The following SPAG16 variants were observed in gnomAD, a reference collection of about 807,000 sequenced individuals.
The protein encoded by SPAG16 is sperm-associated antigen 16 protein.
Under a neutral mutation model 80.4 loss-of-function variants are expected in SPAG16, and 86 were observed. The observed-to-expected ratio is 1.07, with a 90% confidence interval of 0.90 to 1.28. The LOEUF (loss-of-function observed/expected upper bound fraction) is 1.28. Among genes scored for constraint, SPAG16 ranks in the 50% most tolerant of loss-of-function variants. The probability of loss-of-function intolerance (pLI) is 0.00; values close to 1 mark genes in which losing one functional copy is unlikely to be tolerated. For missense variants in SPAG16, 870 were observed against 765.3 expected, an observed-to-expected ratio of 1.14 and a Z score of -1.61; for synonymous variants, 294 against 265.9, an observed-to-expected ratio of 1.11 and a Z score of -1.03.
At chr2:214,206,284 T>C (rs754348320) in intron 15 of SPAG16, among the ~76,000 whole-genome samples, 4 of 152,164 alleles carry the variant, frequency 2.6e-5, no homozygotes, top group Non-Finnish European at 5.9e-5. Context: ...TTTCTCCCAC[T>C]CTTTCTCCCA....
chr2:213,916,946 A>G (rs779029624), intron 11 of SPAG16, among the ~76,000 whole-genome samples: 10 of 152,170 alleles, frequency 6.6e-5, no homozygotes. Flanking sequence ...TTAAGCCTTT[A>G]ATCCACCTTG....
chr2:213,408,688 A>G (rs561626870), intron 9 of SPAG16, among the ~76,000 whole-genome samples: 4 of 152,208 alleles, frequency 2.6e-5, no homozygotes, highest in Non-Finnish European at 2.9e-5. Flanking sequence ...AAAAGACACA[A>G]TGGTTATTCA....
chr2:214,258,829 T>C (rs1297128099), intron 15 of SPAG16, among the ~76,000 whole-genome samples: 1 of 152,058 alleles, frequency 6.6e-6, no homozygotes, highest in African/African-American at 2.4e-5. Flanking sequence ...CTGCTATTAA[T>C]CCTATCTAGT....
intron 11 of SPAG16, among the ~76,000 whole-genome samples, chr2:213,915,633 G>A (rs1298704366): frequency 6.6e-6 from 1 of 152,094 alleles, no homozygotes; most frequent in Non-Finnish European, 1.5e-5. Context: ...TAATCCTTTG[G>A]GTATATGCCC....
intron 10 of SPAG16, among the ~76,000 whole-genome samples, chr2:213,659,332 TAA>T (rs1176270395): frequency 5.2e-5 from 7 of 133,948 alleles, no homozygotes; most frequent in Non-Finnish European, 6.5e-5. Flanking sequence ...CCAATCATCT[TAA>T]AAAAAAAAAA....
intron 9 of SPAG16, among the ~76,000 whole-genome samples, chr2:213,405,159 G>T (rs1325178621): frequency 6.6e-6 from 1 of 152,118 alleles, no homozygotes; most frequent in Non-Finnish European, 1.5e-5. Context: ...AGTGCCAGTT[G>T]TTTTTGTAGT....
intron 9 of SPAG16, among the ~76,000 whole-genome samples, chr2:213,484,838 T>C (rs906516602): frequency 1.3e-5 from 2 of 152,132 alleles, no homozygotes; most frequent in Admixed American, 1.3e-4. Flanking sequence ...TCAGCAGACT[T>C]TCTGAGTCCA....
Position 213,930,114 on chromosome 2 carries a change from G to C in SPAG16, c.1369G>C (p.Asp457His). 1.9e-6 allele frequency: 3 copies of C among 1,613,482 alleles called. No homozygotes were observed. Among genetic ancestry groups the C allele is most frequent in the Non-Finnish European group, 2.5e-6 (3 of 1,179,722 alleles). ...CAATTTTGTGGCTTCCTCCTCACTG[G>C]ATAAAACTAGCAAAATTTGGGATGT... Reference protein sequence around the residue: ...CGNFVASSSLDKTSKIWDVNS... With the variant: ...CGNFVASSSLHKTSKIWDVNS... The change falls in exon 12 of 16, where the codon GAT becomes CAT. Residue 457 changes from aspartate to histidine, a missense_variant. Asp to His is a moderately conservative substitution (Grantham distance 81, BLOSUM62 -1). Transcript: ENST00000331683.
At chr2:213,306,837 G>A (rs1198293537) in intron 3 of SPAG16, among the ~76,000 whole-genome samples, 1 of 152,328 alleles carries the variant, frequency 6.6e-6, no homozygotes, top group East Asian at 1.9e-4. Context: ...TGGGGGAGGT[G>A]TGGTGTCAGC....
intron 15 of SPAG16, among the ~76,000 whole-genome samples, chr2:214,228,028 T>C (rs1161219415): frequency 6.6e-6 from 1 of 151,948 alleles, no homozygotes; most frequent in Admixed American, 6.6e-5. Context: ...AAGAAAATAA[T>C]TGAATATTGA....
chr2:213,284,501 G>A lies in SPAG16; in HGVS notation c.18G>A (p.Gly6=). MAAQR[G]MPSSAVRVLE... is the part of the protein sequence containing the mutation. ...CGCCAGAGATGGCTGCTCAGCGAGG[G>A]ATGCCCAGCTCCGCCGTGAGGGTCC... is the stretch of plus-strand genomic sequence containing the variant. The change falls in exon 1 of 16, where the codon GGG becomes GGA. Residue 6 remains glycine, a synonymous_variant. Transcript: ENST00000331683. 1 of 1,574,642 alleles carries A rather than the reference G, an allele frequency of 6.4e-7. No homozygotes were observed. The highest frequency in any genetic ancestry group is 8.6e-7 in the Non-Finnish European group (1 of 1,160,364).
intron 13 of SPAG16, among the ~76,000 whole-genome samples, chr2:214,027,204 C>T (rs1000806550): frequency 6.6e-6 from 1 of 151,408 alleles, no homozygotes; most frequent in Non-Finnish European, 1.5e-5. Flanking sequence ...ATAAGATGTA[C>T]ATTCAAACCC....
intron 15 of SPAG16, among the ~76,000 whole-genome samples, chr2:214,334,044 A>G (rs1697112990): frequency 1.3e-5 from 2 of 152,202 alleles, no homozygotes; most frequent in African/African-American, 2.4e-5. Flanking sequence ...AATCTCTCCC[A>G]TATCCAATAT....
chr2:213,932,164 ATATATATATATAT>A (rs2078778593), intron 12 of SPAG16, among the ~76,000 whole-genome samples: 2 of 14,954 alleles, frequency 1.3e-4, no homozygotes, highest in African/African-American at 2.3e-4. Flanking sequence ...ATATATATAT[ATATATATATATAT>A]ATATATATAT....
intron 8 of SPAG16, among the ~76,000 whole-genome samples, chr2:213,371,416 AAAGAAAAG>A (rs1260596204): frequency 1.4e-3 from 131 of 91,940 alleles, no homozygotes; most frequent in South Asian, 5.2e-3. Context: ...AAAAAAAAAA[AAAGAAAAG>A]AAAAGACGAT....
chr2:213,872,580 T>A (rs1575420924), intron 11 of SPAG16, among the ~76,000 whole-genome samples: 1 of 152,136 alleles, frequency 6.6e-6, no homozygotes, highest in Non-Finnish European at 1.5e-5. Flanking sequence ...CCTTTGATTG[T>A]TTTTTTGTTA....
In SPAG16 at chr2:213,698,153, T is replaced by A. The variant is rs186077264; in HGVS notation, c.1071-164332T>A. ...CTTGGGTTCTATGATACCACATTTT[T>A]AAAAAATTACATATTTGCTCTCTGA... On this transcript the variant is annotated intron_variant, in intron 10 of 15. Transcript: ENST00000331683. Among the ~76,000 whole-genome samples, 1,516 of 152,310 alleles carry A rather than the reference T, an allele frequency of 1.0e-2. 16 individuals carry two copies. Among genetic ancestry groups the A allele is most frequent in the Middle Eastern group, 0.031 (9 of 294 alleles).
chr2:214,324,672 G>GA (rs894466131), intron 15 of SPAG16, among the ~76,000 whole-genome samples: 22 of 151,670 alleles, frequency 1.5e-4, no homozygotes, highest in African/African-American at 5.1e-4. Context: ...AGCATAAAGG[G>GA]AAAAAAAATA....
At chr2:213,530,406 TATACTGTTC>T (rs1251487638) in intron 10 of SPAG16, among the ~76,000 whole-genome samples, 1 of 152,340 alleles carries the variant, frequency 6.6e-6, no homozygotes, top group Admixed American at 6.5e-5. Context: ...CACCATAGTA[TATACTGTTC>T]ATCATTGACT....
Sources: gnomAD v4.1 joint callset for allele counts (sites outside exome capture counted in the v4.1 genomes callset) on GRCh38, gnomAD v4.1.1 for gene constraint, MANE v1.5 for transcripts, NCBI Gene and HGNC (gene_info 2026-07-23, HGNC 2026-07-21) for gene names.